KCNN2: variants seen among roughly 807,000 people sequenced by gnomAD.
The protein encoded by KCNN2 is small conductance calcium-activated potassium channel protein 2.
A neutral mutation model predicts 55.5 loss-of-function variants in KCNN2; 24 were observed. The ratio of observed to expected loss-of-function variants is 0.43; its 90% confidence interval spans 0.31 to 0.61. KCNN2 has a LOEUF of 0.61. Among genes scored for constraint, KCNN2 ranks in the 20% least tolerant of loss-of-function variants. KCNN2 has a pLI of 0.08. For missense variants in KCNN2, 754 were observed against 853.6 expected, an observed-to-expected ratio of 0.88 and a Z score of 1.45; for synonymous variants, 431 against 336.1, an observed-to-expected ratio of 1.28 and a Z score of -3.09.
chr5:114,065,869 T>G (rs1307105642), intron 1 of KCNN2, among the ~76,000 whole-genome samples: 1 of 144,730 alleles, frequency 6.9e-6, no homozygotes, highest in African/African-American at 2.6e-5. Context: ...TTTTTTTTTT[T>G]TTTTTTTTTT....
chr5:114,351,956 G>C (rs568652290), intron 2 of KCNN2, among the ~76,000 whole-genome samples: 2 of 151,476 alleles, frequency 1.3e-5, no homozygotes, highest in Non-Finnish European at 3.0e-5. Flanking sequence ...AAATGGGTTC[G>C]GAAGTGTTTT....
At chr5:114,292,035 GTTGT>G (rs528344889) in intron 2 of KCNN2, among the ~76,000 whole-genome samples, 10,759 of 152,130 alleles carry the variant, frequency 0.071, 1,272 homozygotes, top group African/African-American at 0.25. Flanking sequence ...TTTTGATGGG[GTTGT>G]TTGTTTGTTT....
chr5:114,147,076 C>T (rs1412577685), intron 1 of KCNN2, among the ~76,000 whole-genome samples: 3 of 152,108 alleles, frequency 2.0e-5, no homozygotes, highest in African/African-American at 4.8e-5. Context: ...GCAAACAGCT[C>T]GGCTTTTTGA....
At chr5:114,460,443 G>A (rs1037502947) in intron 3 of KCNN2, among the ~76,000 whole-genome samples, 5 of 152,052 alleles carry the variant, frequency 3.3e-5, no homozygotes, top group African/African-American at 1.2e-4. Flanking sequence ...GGGTTTCACT[G>A]TGTTGGCCCA....
intron 2 of KCNN2, among the ~76,000 whole-genome samples, chr5:114,376,694 T>G (rs1168197235): frequency 3.9e-5 from 6 of 152,238 alleles, no homozygotes; most frequent in Non-Finnish European, 8.8e-5. Flanking sequence ...TATTGATGAT[T>G]TTTAATCTTT....
chr5:114,342,413 T>A (rs1192731989), intron 2 of KCNN2, among the ~76,000 whole-genome samples: 1 of 152,032 alleles, frequency 6.6e-6, no homozygotes, highest in Non-Finnish European at 1.5e-5. Context: ...ATTATAAAAA[T>A]TCTCTAATGT....
At chr5:114,113,918 C>A (rs139699353) in intron 1 of KCNN2, among the ~76,000 whole-genome samples, 2 of 152,144 alleles carry the variant, frequency 1.3e-5, no homozygotes, top group East Asian at 1.9e-4. Context: ...CAGTTTCCTT[C>A]AGTTCAAAGT....
chr5:114,148,263 G>C (rs1752445457), intron 1 of KCNN2, among the ~76,000 whole-genome samples: 2 of 152,086 alleles, frequency 1.3e-5, no homozygotes, highest in African/African-American at 4.8e-5. Flanking sequence ...GGGCATACCA[G>C]GTTGTAACAC....
chr5:114,058,493 C>G (rs185682161), intron 1 of KCNN2, among the ~76,000 whole-genome samples: 1 of 152,118 alleles, frequency 6.6e-6, no homozygotes, highest in Non-Finnish European at 1.5e-5. Flanking sequence ...CAAAGTATGA[C>G]AGGGCATGCT....
chr5:114,156,290 T>G (rs1463559686), intron 1 of KCNN2, among the ~76,000 whole-genome samples: 1 of 152,190 alleles, frequency 6.6e-6, no homozygotes, highest in East Asian at 1.9e-4. Flanking sequence ...TGTAGCCCTG[T>G]AGTATAGTTT....
At chr5:114,384,213 C>A (rs1229695072) in intron 2 of KCNN2, among the ~76,000 whole-genome samples, 2 of 152,166 alleles carry the variant, frequency 1.3e-5, no homozygotes, top group African/African-American at 4.8e-5. Context: ...GATATTCAAA[C>A]ACTTGGTTTA....
intron 2 of KCNN2, among the ~76,000 whole-genome samples, chr5:114,291,038 A>G (rs1211018404): frequency 6.6e-6 from 1 of 152,106 alleles, no homozygotes; most frequent in African/African-American, 2.4e-5. Flanking sequence ...ACACTTGTGT[A>G]TGTATTCTGC....
At chr5:114,132,365 C>G (rs1752088473) in intron 1 of KCNN2, among the ~76,000 whole-genome samples, 1 of 152,108 alleles carries the variant, frequency 6.6e-6, no homozygotes, top group Non-Finnish European at 1.5e-5. Flanking sequence ...CCAGTTCTCC[C>G]AGCTCCATTT....
intron 2 of KCNN2, among the ~76,000 whole-genome samples, chr5:114,367,485 A>C (rs1263503331): frequency 6.6e-6 from 1 of 152,184 alleles, no homozygotes; most frequent in Non-Finnish European, 1.5e-5. Flanking sequence ...TGAACACATA[A>C]ATTTTAATAA....
chr5:114,352,641 T>A lies in KCNN2; in HGVS notation c.-184-8304T>A, dbSNP rs552143249. The stretch of plus-strand genomic sequence containing the variant: ...TGTTGTGATTTTGTTTTCATTTATC[T>A]TTAAATATTTTCTAATTCCCATTGT... On this transcript the variant is annotated intron_variant, in intron 2 of 10. Transcript: ENST00000512097. 2.7e-3 allele frequency among the ~76,000 whole-genome samples: 403 copies of A among 152,056 alleles called. 3 individuals are homozygous for A. Among genetic ancestry groups the A allele is most frequent in the African/African-American group, 9.4e-3 (392 of 41,568 alleles).
intron 2 of KCNN2, 52 bp from the exon 3 acceptor site, chr5:114,404,386 T>A (rs1758873920): frequency 6.8e-7 from 1 of 1,462,816 alleles, no homozygotes; most frequent in Non-Finnish European, 9.4e-7. Context: ...GCACTAACAC[T>A]TGTGGACCAT....
At chr5:114,384,996 C>G (rs1758232708) in intron 2 of KCNN2, among the ~76,000 whole-genome samples, 1 of 152,090 alleles carries the variant, frequency 6.6e-6, no homozygotes, top group African/African-American at 2.4e-5. Flanking sequence ...ACAGATCTGT[C>G]CCTGTCTAAG....
chr5:114,342,379 A>G (rs1757032818), intron 2 of KCNN2, among the ~76,000 whole-genome samples: 1 of 152,222 alleles, frequency 6.6e-6, no homozygotes. Flanking sequence ...CAGTGAATTG[A>G]TGCAGATACA....
intron 1 of KCNN2, among the ~76,000 whole-genome samples, chr5:114,129,701 G>A (rs550740698): frequency 2.0e-5 from 3 of 152,320 alleles, no homozygotes; most frequent in African/African-American, 7.2e-5. Flanking sequence ...AGTTTCACAC[G>A]TGGTCCTCTA....
Sources: allele counts gnomAD v4.1 joint callset (sites outside exome capture counted in the v4.1 genomes callset), GRCh38; gene constraint gnomAD v4.1.1; transcripts MANE v1.5; gene names NCBI Gene and HGNC (gene_info 2026-07-23, HGNC 2026-07-21).